The following PRELID2 variants were observed in gnomAD, a reference collection of about 807,000 sequenced individuals.
PRELID2 encodes PRELI domain-containing protein 2.
In PRELID2, 25 loss-of-function variants were observed where a neutral mutation model predicts 28.4. That is an observed-to-expected ratio of 0.88 (90% CI 0.64 to 1.23). PRELID2 has a LOEUF of 1.23. Ranked by LOEUF, PRELID2 falls within the 50% of genes most tolerant of loss-of-function variation. The pLI is 0.00. For synonymous variants in PRELID2, 76 were observed against 71.6 expected (o/e 1.06, Z -0.31); for missense variants, 201 against 214.4 (o/e 0.94, Z 0.39).
At chr5:145,768,086 G>A (rs995075889) in intron 5 of PRELID2, among the ~76,000 whole-genome samples, 4 of 151,874 alleles carry the variant, frequency 2.6e-5, no homozygotes, top group African/African-American at 4.8e-5. Context: ...TTAGCTGGGC[G>A]TGGTGGTGGG....
chr5:145,829,740 G>A (rs1303915387), intron 1 of PRELID2, among the ~76,000 whole-genome samples: 2 of 152,066 alleles, frequency 1.3e-5, no homozygotes, highest in Non-Finnish European at 2.9e-5. Context: ...GTGGAACTGA[G>A]GACAGGAAGA....
At chr5:145,439,165 A>T in the PRELID2 span, among the ~76,000 whole-genome samples, 1 of 152,122 alleles carries the variant, frequency 6.6e-6, no homozygotes, top group African/African-American at 2.4e-5. Context: ...ATCAGATGGG[A>T]TGCTCTGCAG....
intron 1 of PRELID2, among the ~76,000 whole-genome samples, chr5:145,688,181 A>G (rs1327063632): frequency 6.6e-6 from 1 of 152,170 alleles, no homozygotes; most frequent in Admixed American, 6.5e-5. Flanking sequence ...ATCCCTGTCC[A>G]CCTTCATCAG....
chr5:145,362,776 A>G, the PRELID2 span, among the ~76,000 whole-genome samples: 2 of 152,092 alleles, frequency 1.3e-5, no homozygotes, highest in African/African-American at 4.8e-5. Flanking sequence ...CCTGGCCAAA[A>G]ACTTTTAGAA....
chr5:145,286,727 T>G, the PRELID2 span, among the ~76,000 whole-genome samples: 59 of 83,420 alleles, frequency 7.1e-4, no homozygotes, highest in African/African-American at 2.0e-3. Flanking sequence ...TTTGTTTGTT[T>G]TTTTTTTTTT....
chr5:145,296,342 T>A, the PRELID2 span, among the ~76,000 whole-genome samples: 1 of 88,592 alleles, frequency 1.1e-5, no homozygotes, highest in Non-Finnish European at 2.2e-5. Context: ...CCTTCCCCCC[T>A]CCCCCCACCC....
chr5:145,511,966 T>C (rs921869148), intron 1 of PRELID2, among the ~76,000 whole-genome samples: 1 of 152,162 alleles, frequency 6.6e-6, no homozygotes. Flanking sequence ...GAGAAGTAGA[T>C]GGCCTCAAGA....
chr5:145,252,481 A>G, the PRELID2 span, among the ~76,000 whole-genome samples: 1 of 152,044 alleles, frequency 6.6e-6, no homozygotes, highest in Non-Finnish European at 1.5e-5. Context: ...TCTTCATCCT[A>G]GGTTTATTGA....
chr5:145,359,514 A>T, the PRELID2 span, among the ~76,000 whole-genome samples: 3 of 152,212 alleles, frequency 2.0e-5, no homozygotes, highest in Non-Finnish European at 2.9e-5. Flanking sequence ...CATTTGTCAC[A>T]ACATCAATTA....
At chr5:145,523,896 T>A (rs1362056915) in intron 1 of PRELID2, among the ~76,000 whole-genome samples, 1 of 152,236 alleles carries the variant, frequency 6.6e-6, no homozygotes, top group Admixed American at 6.5e-5. Context: ...CTTGTACTAG[T>A]TTGCACATGC....
the PRELID2 span, among the ~76,000 whole-genome samples, chr5:145,363,305 A>G: frequency 1.3e-5 from 2 of 152,048 alleles, no homozygotes; most frequent in African/African-American, 2.4e-5. Flanking sequence ...AAATAAATGT[A>G]TTAGTATCCA....
At chr5:145,689,823 T>C (rs1755109262) in intron 1 of PRELID2, among the ~76,000 whole-genome samples, 4 of 152,150 alleles carry the variant, frequency 2.6e-5, no homozygotes, top group Admixed American at 6.5e-5. Context: ...TGAGGCCACA[T>C]AGAGCAAAGG....
the PRELID2 span, among the ~76,000 whole-genome samples, chr5:145,353,752 G>A: frequency 6.6e-6 from 1 of 152,154 alleles, no homozygotes; most frequent in Middle Eastern, 3.4e-3. Flanking sequence ...CTCCCACTGG[G>A]TCCCTCCTGT....
At chr5:145,425,070 G>GA in the PRELID2 span, among the ~76,000 whole-genome samples, 96,234 of 149,896 alleles carry the variant, frequency 0.64, 31,637 homozygotes, top group Non-Finnish European at 0.71. Context: ...CAATGTACAA[G>GA]AAAAAAAAAC....
At chr5:145,718,892 T>G (rs1007459806) in intron 1 of PRELID2, among the ~76,000 whole-genome samples, 1 of 151,962 alleles carries the variant, frequency 6.6e-6, no homozygotes, top group Admixed American at 6.6e-5. Context: ...GGGTAACAGG[T>G]AGAACCATAA....
chr5:145,449,379 C>G, the PRELID2 span, among the ~76,000 whole-genome samples: 1 of 151,974 alleles, frequency 6.6e-6, no homozygotes, highest in Non-Finnish European at 1.5e-5. Context: ...ATGATCTTTT[C>G]CTGGAGTTTA....
chr5:145,296,850 C>T, the PRELID2 span, among the ~76,000 whole-genome samples: 5 of 152,144 alleles, frequency 3.3e-5, no homozygotes, highest in Non-Finnish European at 7.3e-5. Flanking sequence ...CTCTCCAGCA[C>T]CAGTTGTTTC....
the PRELID2 span, among the ~76,000 whole-genome samples, chr5:145,462,568 T>G: frequency 6.6e-6 from 1 of 152,232 alleles, no homozygotes; most frequent in Non-Finnish European, 1.5e-5. Flanking sequence ...CTCTTCCAGT[T>G]CTACTCTCCA....
the PRELID2 span, among the ~76,000 whole-genome samples, chr5:145,370,815 C>T: frequency 4.6e-5 from 7 of 151,960 alleles, no homozygotes; most frequent in Admixed American, 2.0e-4. Flanking sequence ...TGTAGTTCTC[C>T]TTGAAGAGGT....
Sources: allele counts gnomAD v4.1 joint callset (sites outside exome capture counted in the v4.1 genomes callset), GRCh38; gene constraint gnomAD v4.1.1; transcripts MANE v1.5; gene names NCBI Gene and HGNC (gene_info 2026-07-23, HGNC 2026-07-21).